The following PTPRT variants were observed in gnomAD, a reference collection of about 807,000 sequenced individuals.
PTPRT encodes receptor-type tyrosine-protein phosphatase T.
In PTPRT, 56 loss-of-function variants were observed where a neutral mutation model predicts 176.8. The observed-to-expected ratio is 0.32, with a 90% CI of 0.26 to 0.40. PTPRT has a LOEUF of 0.40. Among genes scored for constraint, PTPRT ranks in the 10% least tolerant of loss-of-function variants. The pLI, the probability that PTPRT is intolerant of heterozygous loss-of-function variation, is 1.00. For missense variants in PTPRT, 1,540 were observed against 1,908.2 expected, an observed-to-expected ratio of 0.81 and a Z score of 3.60; for synonymous variants, 783 against 739.0, an observed-to-expected ratio of 1.06 and a Z score of -0.96.
At chr20:42,353,184 A>G (rs1349219433) in intron 9 of PTPRT, among the ~76,000 whole-genome samples, 1 of 152,246 alleles carries the variant, frequency 6.6e-6, no homozygotes, top group East Asian at 1.9e-4. Flanking sequence ...CACTGCAGTC[A>G]TAGAACAGTG....
intron 1 of PTPRT, among the ~76,000 whole-genome samples, chr20:42,914,889 A>T (rs1978634375): frequency 6.6e-6 from 1 of 152,080 alleles, no homozygotes; most frequent in Admixed American, 6.5e-5. Flanking sequence ...AAAAAAAAAA[A>T]AATACATACC....
rs557638500 is a variant in PTPRT at position 42,389,793 on chromosome 20, T to C, written c.1561-37508A>G. Among the ~76,000 whole-genome samples the C allele has an allele frequency of 8.8e-5, 13 of 147,262 alleles. No homozygotes were observed. The East Asian group carries it at 2.6e-3, about 29-fold the overall frequency. On this transcript the variant is annotated intron_variant, in intron 9 of 30. Transcript: ENST00000373187. ...TTGCTTGAGCCCAGGATGCTGAGGC[T>C]GAAGTGAGCCATGATTACACCACTG...
chr20:42,980,867 T>G (rs2146085611), intron 1 of PTPRT, among the ~76,000 whole-genome samples: 1 of 152,334 alleles, frequency 6.6e-6, no homozygotes, highest in Non-Finnish European at 1.5e-5. Flanking sequence ...CCAAGTAATG[T>G]CTTTCTCAAG....
chr20:42,940,561 G>C (rs548034867), intron 1 of PTPRT, among the ~76,000 whole-genome samples: 1 of 152,128 alleles, frequency 6.6e-6, no homozygotes, highest in Non-Finnish European at 1.5e-5. Flanking sequence ...TTGGAGCATT[G>C]ACAGTGTGTT....
intron 1 of PTPRT, among the ~76,000 whole-genome samples, chr20:42,980,024 A>C (rs968715853): frequency 2.6e-5 from 4 of 152,018 alleles, no homozygotes; most frequent in Admixed American, 6.5e-5. Flanking sequence ...AGCAATTAAA[A>C]TTCACATCAC....
intron 1 of PTPRT, among the ~76,000 whole-genome samples, chr20:42,920,178 G>A (rs964863277): frequency 2.0e-5 from 3 of 152,196 alleles, no homozygotes; most frequent in African/African-American, 7.2e-5. Flanking sequence ...TAAGCGAATG[G>A]CTTAGCAACT....
At chr20:42,746,174 TC>T (rs1375905022) in intron 6 of PTPRT, among the ~76,000 whole-genome samples, 2 of 152,256 alleles carry the variant, frequency 1.3e-5, no homozygotes, top group Non-Finnish European at 2.9e-5. Context: ...GTTTTATTTA[TC>T]CACATTTACA....
chr20:42,798,476 A>G (rs189477269), intron 2 of PTPRT, among the ~76,000 whole-genome samples: 9 of 152,318 alleles, frequency 5.9e-5, no homozygotes, highest in African/African-American at 2.2e-4. Flanking sequence ...ACAATAGACC[A>G]ATAGCCATAC....
intron 1 of PTPRT, among the ~76,000 whole-genome samples, chr20:43,048,578 G>C (rs1986925799): frequency 6.6e-6 from 1 of 152,164 alleles, no homozygotes; most frequent in Non-Finnish European, 1.5e-5. Context: ...GGCCAAGGGG[G>C]TGGGAAACAG....
chr20:42,236,516 A>C (rs1288549209), intron 14 of PTPRT, among the ~76,000 whole-genome samples: 1 of 151,932 alleles, frequency 6.6e-6, no homozygotes, highest in Non-Finnish European at 1.5e-5. Flanking sequence ...AGAGTAAGCC[A>C]TGTTTCATGT....
chr20:42,887,756 G>A (rs1231490509), intron 1 of PTPRT, among the ~76,000 whole-genome samples: 2 of 152,174 alleles, frequency 1.3e-5, no homozygotes, highest in African/African-American at 4.8e-5. Flanking sequence ...TGTTGGATAT[G>A]GACACCCAGA....
intron 1 of PTPRT, among the ~76,000 whole-genome samples, chr20:43,100,479 T>C (rs1376897489): frequency 1.3e-5 from 2 of 152,208 alleles, no homozygotes; most frequent in East Asian, 3.8e-4. Flanking sequence ...CAAATCTGTT[T>C]ATGAATTAAA....
intron 1 of PTPRT, among the ~76,000 whole-genome samples, chr20:43,042,342 C>A (rs1004150907): frequency 2.0e-5 from 3 of 149,542 alleles, no homozygotes; most frequent in African/African-American, 7.6e-5. Flanking sequence ...GTGATCCAGG[C>A]GATAATTTAC....
At chr20:42,763,645 G>C (rs1462107571) in intron 5 of PTPRT, among the ~76,000 whole-genome samples, 1 of 152,134 alleles carries the variant, frequency 6.6e-6, no homozygotes, top group Non-Finnish European at 1.5e-5. Context: ...TGCTGCCACG[G>C]CATGACATTT....
intron 2 of PTPRT, among the ~76,000 whole-genome samples, chr20:42,871,022 C>T (rs372889163): frequency 6.6e-5 from 10 of 151,254 alleles, no homozygotes; most frequent in Middle Eastern, 6.8e-3. Flanking sequence ...ACAATCTTGG[C>T]TCACTGCAAC....
At chr20:43,162,370 A>G (rs1479095423) in intron 1 of PTPRT, among the ~76,000 whole-genome samples, 1 of 152,200 alleles carries the variant, frequency 6.6e-6, no homozygotes, top group African/African-American at 2.4e-5. Context: ...TGCCCCTTTG[A>G]CAAATAAGGA....
chr20:42,352,646 C>A (rs1362565930), intron 9 of PTPRT, among the ~76,000 whole-genome samples: 2 of 152,110 alleles, frequency 1.3e-5, no homozygotes, highest in Non-Finnish European at 2.9e-5. Context: ...TAAGATCTTA[C>A]ATTTGCTAGC....
chr20:42,108,939 TTGTC>T (rs1432607925), intron 23 of PTPRT, among the ~76,000 whole-genome samples: 1 of 152,186 alleles, frequency 6.6e-6, no homozygotes, highest in African/African-American at 2.4e-5. Flanking sequence ...ACATTTGCCA[TTGTC>T]TTTCTTTCTT....
chr20:42,890,863 T>C, intron 1 of PTPRT, among the ~76,000 whole-genome samples: 1 of 152,160 alleles, frequency 6.6e-6, no homozygotes, highest in East Asian at 1.9e-4. Flanking sequence ...AGGGACCTGG[T>C]GGGAGATAAT....
Sources: gnomAD v4.1 joint callset for allele counts (sites outside exome capture counted in the v4.1 genomes callset) on GRCh38, gnomAD v4.1.1 for gene constraint, MANE v1.5 for transcripts, NCBI Gene and HGNC (gene_info 2026-07-23, HGNC 2026-07-21) for gene names.